Variants in MAGI3 observed in about 807,000 individuals in gnomAD.
MAGI3 encodes the protein membrane-associated guanylate kinase, WW and PDZ domain-containing protein 3.
MAGI3 carries 43 observed loss-of-function variants against 121.8 expected under a neutral mutation model. That is an observed-to-expected ratio of 0.35 (90% confidence interval 0.28 to 0.46). The LOEUF (loss-of-function observed/expected upper bound fraction) is 0.46. Among genes scored for constraint, MAGI3 ranks in the 20% least tolerant of loss-of-function variants. The probability of loss-of-function intolerance (pLI) is 1.00; values close to 1 mark genes in which losing one functional copy is unlikely to be tolerated. For missense variants in MAGI3, 1,547 were observed against 1,797.3 expected (o/e 0.86, Z 2.52); for synonymous variants, 553 against 639.3 (o/e 0.86, Z 2.04).
intron 1 of MAGI3, among the ~76,000 whole-genome samples, chr1:113,509,132 T>G (rs1657485850): frequency 1.3e-5 from 2 of 152,162 alleles, no homozygotes; most frequent in African/African-American, 4.8e-5. Context: ...GTTGTTGTTG[T>G]TCTTAAATTA....
chr1:113,680,600 A>G (rs191730715), intron 19 of MAGI3, among the ~76,000 whole-genome samples: 220 of 152,026 alleles, frequency 1.4e-3, no homozygotes, highest in African/African-American at 5.2e-3. Context: ...TACTAAAAAT[A>G]CAAAAAATTA....
chr1:113,600,495 C>T (rs1004617433), intron 6 of MAGI3, among the ~76,000 whole-genome samples: 5 of 151,886 alleles, frequency 3.3e-5, no homozygotes, highest in Non-Finnish European at 7.4e-5. Context: ...GAATAAAATA[C>T]CTAGGAATCC....
At chr1:113,480,579 C>T (rs574297487) in intron 1 of MAGI3, among the ~76,000 whole-genome samples, 40 of 152,288 alleles carry the variant, frequency 2.6e-4, no homozygotes, top group African/African-American at 7.9e-4. Flanking sequence ...CATGTGCTCA[C>T]GTTACTCTTC....
chr1:113,489,208 G>A (rs957476103), intron 1 of MAGI3, among the ~76,000 whole-genome samples: 2 of 144,272 alleles, frequency 1.4e-5, no homozygotes, highest in East Asian at 5.1e-4. Flanking sequence ...CTAACCTCGA[G>A]GAGCCAGAGA....
chr1:113,634,828 T>C lies in MAGI3; in HGVS notation c.1361-7083T>C, dbSNP rs958630569. Among the ~76,000 whole-genome samples, 22 of 152,284 alleles carry C rather than the reference T, an allele frequency of 1.4e-4. 1 individual carries two copies. The highest frequency in any genetic ancestry group is 9.2e-4 in the Admixed American group (14 of 15,296). On this transcript the variant is annotated intron_variant, in intron 9 of 20. Coordinates refer to ENST00000307546, the MANE Select transcript of MAGI3 (RefSeq NM_001142782.2). ...AATCTATAAATTACCTTGGTCAATATGGCCATTTTCACGATATTGATTCTT... is the reference window on the plus strand; with the variant it reads ...AATCTATAAATTACCTTGGTCAATACGGCCATTTTCACGATATTGATTCTT...
intron 2 of MAGI3, among the ~76,000 whole-genome samples, chr1:113,554,126 C>T (rs1191081412): frequency 6.6e-6 from 1 of 152,084 alleles, no homozygotes; most frequent in African/African-American, 2.4e-5. Flanking sequence ...GAAAATGTGA[C>T]CCATAATCAA....
At chr1:113,464,652 C>T (rs1936931) in intron 1 of MAGI3, among the ~76,000 whole-genome samples, 7,906 of 152,200 alleles carry the variant, frequency 0.052, 255 homozygotes, top group Non-Finnish European at 0.074. Flanking sequence ...CCATCCTCAC[C>T]AGCATTGTTA....
chr1:113,416,011 T>TCAA (rs1227209326), intron 1 of MAGI3, among the ~76,000 whole-genome samples: 10 of 149,310 alleles, frequency 6.7e-5, no homozygotes, highest in Non-Finnish European at 1.0e-4. Context: ...ATTACATATA[T>TCAA]TAATTATGTA....
chr1:113,543,607 T>TA (rs1390696287), intron 1 of MAGI3, among the ~76,000 whole-genome samples: 1 of 152,116 alleles, frequency 6.6e-6, no homozygotes, highest in African/African-American at 2.4e-5. Context: ...CTCATGCCTG[T>TA]AATCCCAGCC....
chr1:113,514,582 A>T (rs1657791124), intron 1 of MAGI3, among the ~76,000 whole-genome samples: 1 of 151,578 alleles, frequency 6.6e-6, no homozygotes, highest in Admixed American at 6.6e-5. Context: ...CAAAGAGATC[A>T]CATGGACACA....
In MAGI3 at chr1:113,456,100, G is replaced by A. The variant is rs910383442; in HGVS notation, c.316+64751G>A. Among the ~76,000 whole-genome samples the A allele has an allele frequency of 3.2e-4, 48 of 148,056 alleles. 1 individual carries two copies. The South Asian group carries it at 6.4e-3, about 20-fold the overall frequency. ...CGAGTAGCTGGGACTACAGGCGCCC[G>A]CCACCACGCCCGGCTAATTTTTTTT... is the stretch of plus-strand genomic sequence containing the variant. On this transcript the variant is annotated intron_variant, in intron 1 of 20. Transcript: ENST00000307546.
chr1:113,613,873 C>T (rs776604169), intron 6 of MAGI3, among the ~76,000 whole-genome samples: 17 of 152,104 alleles, frequency 1.1e-4, no homozygotes, highest in Admixed American at 3.9e-4. Flanking sequence ...TTGAAAAGCT[C>T]ATGTCAGTTC....
chr1:113,430,514 A>G (rs1653249300), intron 1 of MAGI3, among the ~76,000 whole-genome samples: 1 of 152,204 alleles, frequency 6.6e-6, no homozygotes, highest in Non-Finnish European at 1.5e-5. Context: ...GTTTGGGGAC[A>G]TAATTACAAT....
At chr1:113,486,639 G>C (rs934705678) in intron 1 of MAGI3, among the ~76,000 whole-genome samples, 5 of 149,634 alleles carry the variant, frequency 3.3e-5, no homozygotes, top group African/African-American at 9.8e-5. Context: ...AAAAATAGGG[G>C]GTCTTCAAAG....
At chr1:113,559,138 C>T (rs535036194) in intron 2 of MAGI3, among the ~76,000 whole-genome samples, 2 of 152,146 alleles carry the variant, frequency 1.3e-5, no homozygotes, top group South Asian at 2.1e-4. Flanking sequence ...GAAGCAGCCA[C>T]CATAAACAAG....
chr1:113,405,474 C>CAAAAAAAAAAAAAAAAAAAAAAAAAAAA (rs5777158), intron 1 of MAGI3, among the ~76,000 whole-genome samples: 2 of 54,328 alleles, frequency 3.7e-5, no homozygotes, highest in African/African-American at 1.5e-4. Context: ...GAAACTGTCT[C>CAAAAAAAAAAAAAAAAAAAAAAAAAAAA]AAAAAAAAAA....
chr1:113,616,562 A>G (rs1266249972), intron 7 of MAGI3, among the ~76,000 whole-genome samples: 1 of 152,142 alleles, frequency 6.6e-6, no homozygotes, highest in Admixed American at 6.5e-5. Flanking sequence ...TTTTCTTTGT[A>G]TTTATTTTAG....
rs145915187 is a variant in MAGI3, at chr1:113,419,338, T to TTA, written c.316+27993_316+27994dup. Among the ~76,000 whole-genome samples, 1,270 of 152,286 alleles carry TTA rather than the reference T, an allele frequency of 8.3e-3. 17 individuals are homozygous for TTA. Among genetic ancestry groups the TTA allele is most frequent in the African/African-American group, 0.029 (1,218 of 41,556 alleles). On this transcript the variant is annotated intron_variant, in intron 1 of 20. Transcript: ENST00000307546. The stretch of plus-strand genomic sequence containing the variant: ...AAACCTGGGGACTCTACAGGTTAAC[T>TTA]TATATTTTTATTACTCAGTTTGGGA...
At chr1:113,530,592 A>T (rs1262490795) in intron 1 of MAGI3, among the ~76,000 whole-genome samples, 1 of 147,422 alleles carries the variant, frequency 6.8e-6, no homozygotes, top group African/African-American at 2.4e-5. Context: ...CAGAAACCTA[A>T]AATAAAAGTT....
Sources: allele counts gnomAD v4.1 joint callset (sites outside exome capture counted in the v4.1 genomes callset), GRCh38; gene constraint gnomAD v4.1.1; transcripts MANE v1.5; gene names NCBI Gene and HGNC (gene_info 2026-07-23, HGNC 2026-07-21).